Variants in GRIA3 observed in about 807,000 individuals in gnomAD.
GRIA3 encodes glutamate ionotropic receptor AMPA type subunit 3.
In GRIA3, 3 loss-of-function variants were observed where a neutral mutation model predicts 63.0. That is an observed-to-expected ratio of 0.05 (90% CI 0.02 to 0.12). The LOEUF is 0.12. GRIA3 is among the 10% of genes least tolerant of loss of function. The probability of loss-of-function intolerance (pLI) is 1.00; values close to 1 mark genes in which losing one functional copy is unlikely to be tolerated. For missense variants in GRIA3, 347 were observed against 700.9 expected (o/e 0.50, Z 5.70); for synonymous variants, 274 against 257.9 (o/e 1.06, Z -0.60).
At chrX:123,297,846 G>A (rs2044696144) in intron 3 of GRIA3, among the ~76,000 whole-genome samples, 1 of 110,406 alleles carries the variant, frequency 9.1e-6, no homozygotes, top group Non-Finnish European at 1.9e-5. Flanking sequence ...GTACCCATTA[G>A]TTATTTTTCC....
intron 5 of GRIA3, among the ~76,000 whole-genome samples, chrX:123,373,144 C>T (rs111408665): frequency 3.4e-4 from 37 of 110,211 alleles, no homozygotes; most frequent in African/African-American, 1.2e-3. Flanking sequence ...TGATAGTTTG[C>T]TCAGAATGAT....
chrX:123,248,981 G>A (rs1426191237), intron 2 of GRIA3, among the ~76,000 whole-genome samples: 1 of 111,766 alleles, frequency 8.9e-6, no homozygotes. Flanking sequence ...GAAACCCCTG[G>A]TAGAGCCATC....
At position 123,302,537 on chromosome X, in the gene GRIA3, C is replaced by T. The variant is rs746838269; in HGVS notation, c.509-23489C>T. Among the ~76,000 whole-genome samples the T allele has an allele frequency of 4.5e-5, 5 of 111,490 alleles. No individual in the cohort carries two copies. In the South Asian group the frequency reaches 1.5e-3, roughly 34 times the overall value. On this transcript the variant is annotated intron_variant, in intron 3 of 15. Coordinates refer to ENST00000620443, the MANE Select transcript of GRIA3 (RefSeq NM_007325.5). ...GCTGGGTGACCTTGGTCAAAATATG[C>T]CTCTCTCTGGATCTCGATTCTCTCC...
chrX:123,404,227 C>T (rs1340867565), intron 9 of GRIA3, among the ~76,000 whole-genome samples: 1 of 111,038 alleles, frequency 9.0e-6, no homozygotes. Context: ...ATATCAAATA[C>T]TCCCTTTGTC....
chrX:123,392,361 A>C (rs2045391564), intron 5 of GRIA3, among the ~76,000 whole-genome samples: 1 of 111,394 alleles, frequency 9.0e-6, no homozygotes, highest in African/African-American at 3.3e-5. Flanking sequence ...AGGATGTGGA[A>C]ATGCAGGGGC....
chrX:123,326,560 A>G (rs999033449), intron 4 of GRIA3, among the ~76,000 whole-genome samples: 1 of 111,637 alleles, frequency 9.0e-6, no homozygotes, highest in South Asian at 3.8e-4. Context: ...CTTCTTCCCA[A>G]CAGGGAACAG....
chrX:123,483,880 C>T (rs1025758523), intron 15 of GRIA3, among the ~76,000 whole-genome samples: 1 of 110,249 alleles, frequency 9.1e-6, no homozygotes, highest in Admixed American at 9.6e-5. Context: ...TGCAGTGAGC[C>T]GAGATAGTGC....
intron 2 of GRIA3, among the ~76,000 whole-genome samples, chrX:123,214,680 C>T (rs1490017865): frequency 8.9e-6 from 1 of 112,031 alleles, no homozygotes; most frequent in Admixed American, 9.4e-5. Flanking sequence ...TCCTCTTGAA[C>T]ATTCATAATG....
chrX:123,213,217 A>G (rs1429352824), intron 2 of GRIA3, among the ~76,000 whole-genome samples: 1 of 112,186 alleles, frequency 8.9e-6, no homozygotes, highest in East Asian at 2.8e-4. Flanking sequence ...TCTGGTGCCA[A>G]AAAGGTTGAG....
Position 123,186,218 on chromosome X carries a change from T to G in GRIA3, c.268+228T>G, listed in dbSNP as rs1458247880. On this transcript the variant is annotated intron_variant, in intron 2 of 15. Transcript: ENST00000620443. The stretch of plus-strand genomic sequence containing the variant: ...ACAGTGGGCAAAAGTCTGCTCCAAA[T>G]AGTGTTTGATGCAAAAGTTTCATTT... 9.0e-5 allele frequency among the ~76,000 whole-genome samples: 10 copies of G among 111,045 alleles called. No homozygotes were observed. In the Admixed American group the frequency reaches 9.5e-4, roughly 11 times the overall value.
At chrX:123,316,478 A>G (rs2044832135) in intron 3 of GRIA3, among the ~76,000 whole-genome samples, 1 of 112,251 alleles carries the variant, frequency 8.9e-6, no homozygotes, top group Non-Finnish European at 1.9e-5. Context: ...ATCTGGCAGT[A>G]TGTATCAAGA....
chrX:123,413,118 C>T (rs526716), intron 10 of GRIA3, among the ~76,000 whole-genome samples: 24,591 of 110,253 alleles, frequency 0.22, 2,258 homozygotes, highest in East Asian at 0.56. Flanking sequence ...CATCTGGCCA[C>T]GTCTTGTTAG....
intron 11 of GRIA3, among the ~76,000 whole-genome samples, chrX:123,419,764 C>T (rs556630891): frequency 2.2e-4 from 24 of 110,803 alleles, no homozygotes; most frequent in East Asian, 2.8e-4. Context: ...TTAAACTTTG[C>T]ATGTGGGGAA....
intron 4 of GRIA3, among the ~76,000 whole-genome samples, chrX:123,350,271 G>A (rs1007790812): frequency 1.8e-5 from 2 of 108,632 alleles, no homozygotes; most frequent in African/African-American, 6.7e-5. Flanking sequence ...TGTACTCAAA[G>A]CAAGATCAAT....
chrX:123,294,842 C>T, intron 3 of GRIA3, among the ~76,000 whole-genome samples: 1 of 111,799 alleles, frequency 8.9e-6, no homozygotes, highest in African/African-American at 3.2e-5. Context: ...TCCCTATGAG[C>T]ATTCCTTCTT....
At chrX:123,406,978 T>G (rs1474672830) in intron 10 of GRIA3, among the ~76,000 whole-genome samples, 1 of 112,098 alleles carries the variant, frequency 8.9e-6, no homozygotes, top group African/African-American at 3.2e-5. Context: ...CAGCTCACCC[T>G]TGCTCTTGGC....
intron 14 of GRIA3, among the ~76,000 whole-genome samples, chrX:123,482,083 C>T (rs1490377970): frequency 8.9e-6 from 1 of 111,880 alleles, no homozygotes; most frequent in East Asian, 2.8e-4. Context: ...GAAAATGGAA[C>T]GGAGCCAATT....
At chrX:123,407,000 T>C (rs1174513004) in intron 10 of GRIA3, among the ~76,000 whole-genome samples, 1 of 112,165 alleles carries the variant, frequency 8.9e-6, no homozygotes, top group African/African-American at 3.2e-5. Context: ...CATTACCTGA[T>C]ACATAGTAAA....
chrX:123,458,867 T>C (rs2045777380), intron 12 of GRIA3, among the ~76,000 whole-genome samples: 1 of 111,907 alleles, frequency 8.9e-6, no homozygotes, highest in African/African-American at 3.2e-5. Context: ...ACCCTGGTCA[T>C]TCACCAGGCA....
Sources: allele counts gnomAD v4.1 joint callset (sites outside exome capture counted in the v4.1 genomes callset), GRCh38; gene constraint gnomAD v4.1.1; transcripts MANE v1.5; gene names NCBI Gene and HGNC (gene_info 2026-07-23, HGNC 2026-07-21).